DMD: variants seen among roughly 807,000 people sequenced by gnomAD.
DMD encodes the protein dystrophin.
Under a neutral mutation model 330.1 loss-of-function variants are expected in DMD, and 63 were observed. The ratio of observed to expected loss-of-function variants is 0.19; its 90% CI spans 0.16 to 0.24. The LOEUF (loss-of-function observed/expected upper bound fraction) is 0.24. DMD is among the 10% of genes least tolerant of loss of function. The pLI is 1.00. For missense variants in DMD, 3,344 were observed against 2,684.1 expected (o/e 1.25, Z -5.43); for synonymous variants, 1,223 against 959.8 (o/e 1.27, Z -5.07).
In DMD at chrX:33,089,211, A is replaced by G. The variant is rs372818631; in HGVS notation, c.32-69011T>C. 1.5e-4 allele frequency among the ~76,000 whole-genome samples: 16 copies of G among 108,899 alleles called. 1 individual carries two copies. Among genetic ancestry groups the G allele is most frequent in the Middle Eastern group, 4.6e-3 (1 of 218 alleles). The allele number at this position is 108,899 out of a possible 115,157, so 94.6% of individuals were successfully genotyped here. ...CTCCCAAGTAGCTGGGACTACAGGC[A>G]CGCACCACCACACCCAGCTAATTTT... On this transcript the variant is annotated intron_variant, in intron 1 of 78. Transcript: ENST00000357033.
chrX:32,643,089 C>A (rs146708096), intron 11 of DMD, among the ~76,000 whole-genome samples: 1,374 of 110,915 alleles, frequency 0.012, 19 homozygotes, highest in African/African-American at 0.042. Context: ...ATTATTGTAC[C>A]TCTCACATCT....
intron 62 of DMD, among the ~76,000 whole-genome samples, chrX:31,300,332 G>T (rs1314736853): frequency 8.9e-6 from 1 of 112,238 alleles, no homozygotes; most frequent in Admixed American, 9.4e-5. Context: ...ATGATGAAGG[G>T]AGATGATACC....
intron 3 of DMD, among the ~76,000 whole-genome samples, chrX:32,846,357 T>C (rs1280015933): frequency 9.0e-6 from 1 of 111,675 alleles, no homozygotes; most frequent in Non-Finnish European, 1.9e-5. Flanking sequence ...ACCTTGTGCA[T>C]GCACCAAACA....
intron 1 of DMD, among the ~76,000 whole-genome samples, chrX:33,249,485 T>G (rs2052733293): frequency 8.9e-6 from 1 of 112,085 alleles, no homozygotes; most frequent in Non-Finnish European, 1.9e-5. Context: ...TATGTAGCAT[T>G]TATGCTCCCC....
Position 33,139,868 on chromosome X carries a change from T to TAAA in DMD, c.31+71411_31+71413dup, listed in dbSNP as rs3990971. Among the ~76,000 whole-genome samples, 199 of 64,320 alleles carry TAAA rather than the reference T, an allele frequency of 3.1e-3. 9 individuals are homozygous for TAAA. The highest frequency in any genetic ancestry group is 0.012 in the African/African-American group (146 of 12,500). The allele number at this position is 64,320 out of a possible 115,157, so 55.9% of individuals were successfully genotyped here. The stretch of plus-strand genomic sequence containing the variant: ...GAATTGACTAATACAGCCCCATCGC[T>TAAA]AAAAAAAAAAAAAAAAAAAAAAAAA... On this transcript the variant is annotated intron_variant, in intron 1 of 78. Coordinates refer to ENST00000357033, the MANE Select transcript of DMD (RefSeq NM_004006.3).
chrX:31,426,262 TTAA>T (rs1347915930), intron 60 of DMD, among the ~76,000 whole-genome samples: 3 of 112,267 alleles, frequency 2.7e-5, no homozygotes, highest in Non-Finnish European at 5.6e-5. Flanking sequence ...GGCTTGTGAA[TTAA>T]TAATTTAATC....
At chrX:31,272,496 GAATTTCAA>G (rs770723857) in intron 62 of DMD, among the ~76,000 whole-genome samples, 17 of 112,108 alleles carry the variant, frequency 1.5e-4, no homozygotes, top group Non-Finnish European at 2.6e-4. Flanking sequence ...CAAATAAGCG[GAATTTCAA>G]AACTGGGCAG....
chrX:31,370,382 G>A (rs1480867961), intron 60 of DMD, among the ~76,000 whole-genome samples: 1 of 111,973 alleles, frequency 8.9e-6, no homozygotes, highest in African/African-American at 3.2e-5. Context: ...CAAAAGACAT[G>A]AACAGACATT....
intron 2 of DMD, among the ~76,000 whole-genome samples, chrX:32,903,745 T>C (rs2086505731): frequency 8.9e-6 from 1 of 112,072 alleles, no homozygotes; most frequent in African/African-American, 3.2e-5. Flanking sequence ...CTGGATTTCT[T>C]ATGATATTAT....
At chrX:32,592,399 T>G (rs1054988933) in intron 13 of DMD, among the ~76,000 whole-genome samples, 2 of 111,162 alleles carry the variant, frequency 1.8e-5, no homozygotes, top group African/African-American at 3.3e-5. Context: ...AGGAGCTACC[T>G]ACTTTGTGTC....
chrX:33,234,262 T>C (rs1256339717), intron 1 of DMD, among the ~76,000 whole-genome samples: 1 of 112,160 alleles, frequency 8.9e-6, no homozygotes, highest in Non-Finnish European at 1.9e-5. Context: ...AAGCTACCAA[T>C]AGATTTTAGA....
chrX:32,143,252 A>G (rs2096762039), intron 44 of DMD, among the ~76,000 whole-genome samples: 1 of 111,785 alleles, frequency 8.9e-6, no homozygotes, highest in Non-Finnish European at 1.9e-5. Flanking sequence ...GTGTAAAAGA[A>G]ACTATCCTTT....
At chrX:32,543,868 G>C (rs963765729) in intron 17 of DMD, among the ~76,000 whole-genome samples, 4 of 111,752 alleles carry the variant, frequency 3.6e-5, no homozygotes, top group Admixed American at 1.9e-4. Flanking sequence ...TACAGTTTGT[G>C]TTACAACTAT....
chrX:32,311,025 T>A (rs1326097465), intron 41 of DMD, among the ~76,000 whole-genome samples: 1 of 110,771 alleles, frequency 9.0e-6, no homozygotes, highest in Non-Finnish European at 1.9e-5. Context: ...TCCAGAGTCC[T>A]TTTGGAGTTT....
rs977410631 is a variant in DMD, at chrX:32,771,727, G to A, written c.649+37766C>T. Among the ~76,000 whole-genome samples, 3 of 111,513 alleles carry A rather than the reference G, an allele frequency of 2.7e-5. No homozygotes were observed. The Admixed American group carries it at 2.9e-4, about 11-fold the overall frequency. On this transcript the variant is annotated intron_variant, in intron 7 of 78. Coordinates refer to ENST00000357033, the MANE Select transcript of DMD (RefSeq NM_004006.3). ...TTTCTGTACCACTTTTGCTATTTCA[G>A]AGGTTGACTATTTTAATGCTAGAGC...
At chrX:32,601,184 T>C (rs552352741) in intron 12 of DMD, among the ~76,000 whole-genome samples, 3 of 111,675 alleles carry the variant, frequency 2.7e-5, no homozygotes, top group East Asian at 2.8e-4. Flanking sequence ...ATATTCACTT[T>C]GCTAAGCCTG....
chrX:32,046,398 G>A (rs1188493561), intron 44 of DMD, among the ~76,000 whole-genome samples: 1 of 112,345 alleles, frequency 8.9e-6, no homozygotes, highest in Non-Finnish European at 1.9e-5. Flanking sequence ...GTTCTATTTT[G>A]TTTTGTTCTT....
chrX:31,187,667 G>A (rs1208246617), intron 67 of DMD, among the ~76,000 whole-genome samples: 1 of 105,303 alleles, frequency 9.5e-6, no homozygotes, highest in Non-Finnish European at 1.9e-5. Flanking sequence ...AGCTGAGAAG[G>A]TCATCAGTAA....
At chrX:31,513,691 A>C (rs1237260966) in intron 55 of DMD, among the ~76,000 whole-genome samples, 1 of 111,627 alleles carries the variant, frequency 9.0e-6, no homozygotes, top group East Asian at 2.8e-4. Flanking sequence ...CAAAGGGGAA[A>C]AGGTAGTTGT....
Sources: allele counts gnomAD v4.1 joint callset (sites outside exome capture counted in the v4.1 genomes callset), GRCh38; gene constraint gnomAD v4.1.1; transcripts MANE v1.5; gene names NCBI Gene and HGNC (gene_info 2026-07-23, HGNC 2026-07-21).